Variants in DPF3 observed in about 807,000 individuals in gnomAD.
DPF3 encodes double PHD fingers 3.
A neutral mutation model predicts 56.8 loss-of-function variants in DPF3; 18 were observed. The observed-to-expected ratio is 0.32, with a 90% confidence interval of 0.22 to 0.47. The LOEUF is 0.47. Among genes scored for constraint, DPF3 ranks in the 20% least tolerant of loss-of-function variants. DPF3 has a pLI of 1.00. For missense variants in DPF3, 403 were observed against 488.8 expected, an observed-to-expected ratio of 0.82 and a Z score of 1.65; for synonymous variants, 188 against 180.2, an observed-to-expected ratio of 1.04 and a Z score of -0.35.
chr14:72,721,688 A>G (rs1045578706), intron 5 of DPF3, among the ~76,000 whole-genome samples: 6 of 152,056 alleles, frequency 3.9e-5, no homozygotes, highest in African/African-American at 1.4e-4. Context: ...AGAAGAACCT[A>G]TCACCACCTA....
At chr14:72,786,224 T>C (rs1394766252) in intron 1 of DPF3, among the ~76,000 whole-genome samples, 2 of 151,460 alleles carry the variant, frequency 1.3e-5, no homozygotes, top group African/African-American at 2.4e-5. Flanking sequence ...GATTGTGCCA[T>C]TGCACTCCAA....
At chr14:72,659,308 A>G (rs1388439694) in intron 8 of DPF3, among the ~76,000 whole-genome samples, 2 of 152,188 alleles carry the variant, frequency 1.3e-5, no homozygotes, top group Non-Finnish European at 2.9e-5. Flanking sequence ...GATGAGGAAC[A>G]TGATTTCTTT....
intron 4 of DPF3, among the ~76,000 whole-genome samples, chr14:72,727,490 C>T (rs186016149): frequency 9.6e-4 from 145 of 151,640 alleles, no homozygotes; most frequent in Non-Finnish European, 1.5e-3. Context: ...GCAGGAGAAT[C>T]GTTTGAACCT....
At position 72,614,172 on chromosome 14, in the gene DPF3, G is replaced by T. The variant is rs1167225008; in HGVS notation, c.*5125C>A. 6.6e-6 allele frequency among the ~76,000 whole-genome samples: 1 copy of T among 152,194 alleles called. No homozygotes were observed. The highest frequency in any genetic ancestry group is 2.4e-5 in the African/African-American group (1 of 41,456). On this transcript the variant is annotated 3_prime_UTR_variant, in exon 11 of 11. Transcript: ENST00000556509. ...TCATAAGCAGACTCCCAAACCCTGG[G>T]AATGCTCAGAAATGGGGGAGGGAGC...
At chr14:72,660,957 T>C in intron 8 of DPF3, 1 of 624,412 alleles carries the variant, frequency 1.6e-6, no homozygotes, top group Non-Finnish European at 2.0e-6. Context: ...GGAAGAATCA[T>C]CTCAGGAGTC....
chr14:72,786,796 C>A (rs1024775669), intron 1 of DPF3, among the ~76,000 whole-genome samples: 1 of 152,216 alleles, frequency 6.6e-6, no homozygotes, highest in African/African-American at 2.4e-5. Context: ...CTAGCTCACC[C>A]TACCTATTTA....
intron 8 of DPF3, among the ~76,000 whole-genome samples, chr14:72,667,619 CA>C (rs34829160): frequency 1.3e-5 from 2 of 152,052 alleles, no homozygotes; most frequent in African/African-American, 4.8e-5. Flanking sequence ...CCTAAGGTCA[CA>C]AAAAAGGTGA....
chr14:72,850,673 C>T (rs1884944951), intron 1 of DPF3, among the ~76,000 whole-genome samples: 1 of 152,186 alleles, frequency 6.6e-6, no homozygotes, highest in Non-Finnish European at 1.5e-5. Flanking sequence ...TGATTCTCCT[C>T]ACGTCACCCC....
At chr14:72,631,366 T>C (rs1885160555) in intron 8 of DPF3, among the ~76,000 whole-genome samples, 1 of 152,198 alleles carries the variant, frequency 6.6e-6, no homozygotes, top group South Asian at 2.1e-4. Context: ...AGCCAGCTGA[T>C]ATTCTTGAAA....
chr14:72,755,867 G>T (rs764584032), intron 2 of DPF3, among the ~76,000 whole-genome samples: 4 of 152,126 alleles, frequency 2.6e-5, no homozygotes, highest in African/African-American at 9.7e-5. Flanking sequence ...CAGGCACCAG[G>T]GTTCCTTTAT....
chr14:72,768,015 T>C (rs1317687250), intron 2 of DPF3, among the ~76,000 whole-genome samples: 1 of 152,064 alleles, frequency 6.6e-6, no homozygotes. Flanking sequence ...ACTGCTAAAA[T>C]AAAAGGACTA....
chr14:72,824,478 G>C (rs1275285489), intron 1 of DPF3, among the ~76,000 whole-genome samples: 1 of 151,976 alleles, frequency 6.6e-6, no homozygotes, highest in Non-Finnish European at 1.5e-5. Flanking sequence ...CTCTCATTCA[G>C]AATTAACCCA....
intron 1 of DPF3, among the ~76,000 whole-genome samples, chr14:72,796,017 T>C (rs1892632888): frequency 6.6e-6 from 1 of 152,244 alleles, no homozygotes; most frequent in South Asian, 2.1e-4. Context: ...ATGTACAAAC[T>C]GAGGCTAGGA....
At position 72,679,811 on chromosome 14, in the gene DPF3, A is replaced by C. The variant is rs114185569; in HGVS notation, c.743-5443T>G. Among the ~76,000 whole-genome samples, 1,236 of 152,294 alleles carry C rather than the reference A, an allele frequency of 8.1e-3. 20 individuals carry two copies. Among genetic ancestry groups the C allele is most frequent in the African/African-American group, 0.028 (1,181 of 41,556 alleles). Reference sequence around the variant, plus strand: ...GACGGAGGGAAGGAAAGGGGAGAGGAAAGGAGGGAAAGCAGACAGGCAGCC... The same window carrying C: ...GACGGAGGGAAGGAAAGGGGAGAGGCAAGGAGGGAAAGCAGACAGGCAGCC... On this transcript the variant is annotated intron_variant, in intron 7 of 10. Transcript: ENST00000556509.
rs559625992 is a variant in DPF3, at chr14:72,711,975, G to A, written c.604+2448C>T. Among the ~76,000 whole-genome samples the A allele has an allele frequency of 3.3e-5, 5 of 152,088 alleles. No individual in the cohort carries two copies. In the South Asian group the frequency reaches 1.0e-3, roughly 32 times the overall value. ...TCCAAAGGTCATTTCTATCCCAAAG[G>A]ATCACATGTCTGAAGGGCACCAGAT... is the stretch of plus-strand genomic sequence containing the variant. On this transcript the variant is annotated intron_variant, in intron 6 of 10. Transcript: ENST00000556509.
chr14:72,692,667 T>A (rs761600335), intron 7 of DPF3, among the ~76,000 whole-genome samples: 2 of 152,214 alleles, frequency 1.3e-5, no homozygotes, highest in African/African-American at 2.4e-5. Flanking sequence ...TCTAAGGCAC[T>A]TCGTAGCCAA....
chr14:72,670,449 T>A, intron 8 of DPF3: 2 of 985,968 alleles, frequency 2.0e-6, no homozygotes, highest in Non-Finnish European at 2.4e-6. Context: ...CTGGAACTAC[T>A]GACATTTTCT....
chr14:72,730,640 AAATT>A (rs1292368776), intron 4 of DPF3, among the ~76,000 whole-genome samples: 11 of 151,758 alleles, frequency 7.2e-5, no homozygotes, highest in African/African-American at 1.9e-4. Context: ...TAGTTTTAAT[AAATT>A]AATATATAAA....
intron 1 of DPF3, among the ~76,000 whole-genome samples, chr14:72,876,791 T>C (rs562376025): frequency 6.6e-6 from 1 of 152,346 alleles, no homozygotes; most frequent in Non-Finnish European, 1.5e-5. Context: ...CAGGAACTGC[T>C]GTCTGTCTTC....
Sources: allele counts gnomAD v4.1 joint callset (sites outside exome capture counted in the v4.1 genomes callset), GRCh38; gene constraint gnomAD v4.1.1; transcripts MANE v1.5; gene names NCBI Gene and HGNC (gene_info 2026-07-23, HGNC 2026-07-21).